Variants in ZNF638 observed in about 807,000 individuals in gnomAD.
ZNF638 encodes zinc finger protein 638.
In ZNF638, 46 loss-of-function variants were observed where a neutral mutation model predicts 195.6. The ratio of observed to expected loss-of-function variants is 0.24; its 90% CI spans 0.19 to 0.30. ZNF638 has a LOEUF of 0.30. Ranked by LOEUF, ZNF638 falls within the 10% of genes least tolerant of loss-of-function variation. The pLI, the probability that ZNF638 is intolerant of heterozygous loss-of-function variation, is 1.00. For synonymous variants in ZNF638, 845 were observed against 772.0 expected, an observed-to-expected ratio of 1.09 and a Z score of -1.57; for missense variants, 2,440 against 2,325.3, an observed-to-expected ratio of 1.05 and a Z score of -1.01.
At chr2:71,428,437 G>A (rs2080584521) in intron 24 of ZNF638, 110 bp from the exon 25 acceptor site, 1 of 777,332 alleles carries the variant, frequency 1.3e-6, no homozygotes, top group Admixed American at 2.7e-5. Flanking sequence ...CCCAAATTTG[G>A]GTATTTTTTG....
intron 1 of ZNF638, among the ~76,000 whole-genome samples, chr2:71,340,514 G>T (rs924171633): frequency 6.6e-6 from 1 of 152,192 alleles, no homozygotes; most frequent in Non-Finnish European, 1.5e-5. Flanking sequence ...GCATTCTTAA[G>T]TACCAAAGTG....
chr2:71,431,903 G>A lies in ZNF638; in HGVS notation c.5752+475G>A, dbSNP rs1417587810. Reference sequence around the variant, plus strand: ...ATTTTTGAAGACAGCTTACTGGGCTGTTTTTACCTGAGAAGGATATTTTTA... The same window carrying A: ...ATTTTTGAAGACAGCTTACTGGGCTATTTTTACCTGAGAAGGATATTTTTA... On this transcript the variant is annotated intron_variant, in intron 26 of 27. Coordinates refer to ENST00000264447, the MANE Select transcript of ZNF638 (RefSeq NM_014497.5). 5.3e-5 allele frequency among the ~76,000 whole-genome samples: 8 copies of A among 152,198 alleles called. No individual in the cohort carries two copies. The East Asian group carries it at 1.5e-3, about 29-fold the overall frequency.
Position 71,426,598 on chromosome 2 carries a change from C to T in ZNF638, c.4729C>T (p.Leu1577Phe). The stretch of plus-strand genomic sequence containing the variant: ...TCTCAAAAATGTTCCTTTCTCTGAA[C>T]TTAACTTAAAGAAGAAAAAGGGGAA... ...ETLKNVPFSE[L>F]NLKKKKGKTS... Residue 1577 changes from leucine to phenylalanine, a missense_variant, in exon 24 of 28, where the codon CTT becomes TTT. Coordinates refer to ENST00000264447, the MANE Select transcript of ZNF638 (RefSeq NM_014497.5). 5.0e-6 allele frequency: 8 copies of T among 1,614,068 alleles called. No individual in the cohort carries two copies. Among genetic ancestry groups the T allele is most frequent in the Non-Finnish European group, 6.8e-6 (8 of 1,180,004 alleles).
At chr2:71,408,387 A>C in intron 20 of ZNF638, 140 bp downstream of exon 20, 5 of 1,078,660 alleles carry the variant, frequency 4.6e-6, no homozygotes, top group Non-Finnish European at 5.1e-6. Flanking sequence ...TCCAATTTTC[A>C]TAGTTTATAA....
At chr2:71,420,871 A>T (rs958267558) in intron 21 of ZNF638, among the ~76,000 whole-genome samples, 1 of 152,234 alleles carries the variant, frequency 6.6e-6, no homozygotes, top group African/African-American at 2.4e-5. Context: ...AGAAAACACT[A>T]TGATTTGAAA....
At chr2:71,361,317 G>A (rs917978982) in intron 3 of ZNF638, among the ~76,000 whole-genome samples, 7 of 152,124 alleles carry the variant, frequency 4.6e-5, no homozygotes, top group Non-Finnish European at 8.8e-5. Flanking sequence ...AGACCCCCTG[G>A]AAATTTAATA....
chr2:71,432,227 G>T (rs559038817), intron 26 of ZNF638, among the ~76,000 whole-genome samples: 2 of 152,170 alleles, frequency 1.3e-5, no homozygotes, highest in South Asian at 2.1e-4. Context: ...TTGAGACAGG[G>T]TCTCATTCTG....
intron 1 of ZNF638, among the ~76,000 whole-genome samples, chr2:71,345,964 C>T (rs1426832744): frequency 6.6e-6 from 1 of 152,204 alleles, no homozygotes; most frequent in Non-Finnish European, 1.5e-5. Context: ...GGGCAGTTGT[C>T]TTAACCTTCT....
chr2:71,395,674 A>G (rs2079877905), intron 10 of ZNF638: 1 of 480,546 alleles, frequency 2.1e-6, no homozygotes, highest in Non-Finnish European at 4.0e-6. Flanking sequence ...AATAAATACA[A>G]GCGGCTCCAG....
chr2:71,398,810 C>A (rs150614233), intron 12 of ZNF638, 38 bp downstream of exon 12: 1 of 1,500,620 alleles, frequency 6.7e-7, no homozygotes, highest in South Asian at 1.2e-5. Flanking sequence ...ATTGTTTATT[C>A]TTTATTTATG....
chr2:71,419,971 C>CT lies in ZNF638; in HGVS notation c.3299+1332_3299+1333insT, dbSNP rs1280002259. On this transcript the variant is annotated intron_variant, in intron 21 of 27. Coordinates refer to ENST00000264447, the MANE Select transcript of ZNF638 (RefSeq NM_014497.5). Reference sequence around the variant, plus strand: ...AAACTTCTTAATTCCCACCCCCCCCCGCCTTTTTTTTTTTTTTTTTTTTTT... The same window carrying CT: ...AAACTTCTTAATTCCCACCCCCCCCCTGCCTTTTTTTTTTTTTTTTTTTTTT... Among the ~76,000 whole-genome samples the CT allele has an allele frequency of 2.3e-3, 165 of 72,652 alleles. 23 individuals are homozygous for CT. Among genetic ancestry groups the CT allele is most frequent in the African/African-American group, 7.1e-3 (150 of 21,038 alleles). The allele number at this position is 72,652 out of a possible 152,430, so 47.7% of individuals were successfully genotyped here. A position where few individuals can be genotyped will look rare whatever the true frequency, so the allele number is the denominator to read the frequency against.
intron 8 of ZNF638, among the ~76,000 whole-genome samples, chr2:71,373,284 A>G (rs2079349392): frequency 7.2e-6 from 1 of 139,420 alleles, no homozygotes; most frequent in Non-Finnish European, 1.5e-5. Flanking sequence ...AGTTGTCTGT[A>G]TCTTTTCCTA....
At chr2:71,429,609 T>C (rs2080614625) in intron 25 of ZNF638, among the ~76,000 whole-genome samples, 1 of 152,216 alleles carries the variant, frequency 6.6e-6, no homozygotes, top group Non-Finnish European at 1.5e-5. Context: ...AGCTCCTATC[T>C]TTTCTACTTG....
chr2:71,383,460 GA>G (rs2079569725), intron 10 of ZNF638, among the ~76,000 whole-genome samples: 1 of 151,774 alleles, frequency 6.6e-6, no homozygotes, highest in Non-Finnish European at 1.5e-5. Flanking sequence ...CCTCAAGAAT[GA>G]AAACTTCTTG....
chr2:71,422,658 A>G (rs544785229), intron 21 of ZNF638, among the ~76,000 whole-genome samples, 156 bp from the exon 22 acceptor site: 15 of 152,328 alleles, frequency 9.8e-5, no homozygotes, highest in South Asian at 8.3e-4. Flanking sequence ...TTTTATGCTG[A>G]TTGGTTGGAT....
At chr2:71,340,151 A>G (rs1368905783) in intron 1 of ZNF638, among the ~76,000 whole-genome samples, 2 of 152,106 alleles carry the variant, frequency 1.3e-5, no homozygotes, top group Non-Finnish European at 2.9e-5. Flanking sequence ...CCTTGCAGTT[A>G]GTAGTGAAAT....
At chr2:71,367,993 G>T (rs1395014159) in intron 6 of ZNF638, among the ~76,000 whole-genome samples, 1 of 152,082 alleles carries the variant, frequency 6.6e-6, no homozygotes, top group Admixed American at 6.5e-5. Context: ...AACAGAGGGG[G>T]TAAGCAAAGC....
chr2:71,408,397 A>C, intron 20 of ZNF638, 150 bp downstream of exon 20: 1 of 1,015,248 alleles, frequency 9.8e-7, no homozygotes, highest in African/African-American at 1.6e-5. Context: ...ATAGTTTATA[A>C]AGCAGTATAA....
intron 3 of ZNF638, among the ~76,000 whole-genome samples, chr2:71,357,142 T>G (rs17006902): frequency 0.15 from 22,176 of 152,150 alleles, 1,808 homozygotes; most frequent in African/African-American, 0.19. Context: ...CCATCTGACC[T>G]TTTTCCTTTA....
Sources: allele counts gnomAD v4.1 joint callset (sites outside exome capture counted in the v4.1 genomes callset), GRCh38; gene constraint gnomAD v4.1.1; transcripts MANE v1.5; gene names NCBI Gene and HGNC (gene_info 2026-07-23, HGNC 2026-07-21).